ITPRID1: variants seen among roughly 807,000 people sequenced by gnomAD.
ITPRID1 encodes the protein protein ITPRID1.
Under a neutral mutation model 95.4 loss-of-function variants are expected in ITPRID1, and 96 were observed. That is an observed-to-expected ratio of 1.01 (90% CI 0.85 to 1.19). The LOEUF is 1.19. ITPRID1 is among the 50% of genes most tolerant of loss of function. ITPRID1 has a pLI of 0.00. For missense variants in ITPRID1, 1,339 were observed against 1,252.9 expected, an observed-to-expected ratio of 1.07 and a Z score of -1.04; for synonymous variants, 510 against 453.6, an observed-to-expected ratio of 1.12 and a Z score of -1.58.
intron 6 of ITPRID1, 55 bp downstream of exon 6, chr7:31,569,864 C>G: frequency 6.9e-7 from 1 of 1,441,764 alleles, no homozygotes; most frequent in Non-Finnish European, 9.5e-7. Context: ...CACACCTTTG[C>G]TGAATAAAAT....
chr7:31,554,202 G>A (rs1015377106), intron 3 of ITPRID1, among the ~76,000 whole-genome samples: 14 of 151,844 alleles, frequency 9.2e-5, no homozygotes, highest in African/African-American at 1.2e-4. Flanking sequence ...AACATCTCTC[G>A]TTCTTCAGTG....
chr7:31,647,249 T>C (rs10253952), intron 12 of ITPRID1, among the ~76,000 whole-genome samples: 6,668 of 152,220 alleles, frequency 0.044, 468 homozygotes, highest in African/African-American at 0.15. Flanking sequence ...CTGAAGAAAA[T>C]TGGCTTTAAA....
At chr7:31,577,636 T>C (rs1785232124) in intron 8 of ITPRID1, among the ~76,000 whole-genome samples, 1 of 152,178 alleles carries the variant, frequency 6.6e-6, no homozygotes, top group Non-Finnish European at 1.5e-5. Context: ...TTCAACTAAA[T>C]ACAAAAGCTG....
chr7:31,614,083 A>G (rs900658595), intron 10 of ITPRID1, among the ~76,000 whole-genome samples: 2 of 152,204 alleles, frequency 1.3e-5, no homozygotes, highest in Non-Finnish European at 2.9e-5. Flanking sequence ...GGTCAGGTAT[A>G]TCAAAGTTTA....
At chr7:31,571,052 A>G (rs563491528) in intron 6 of ITPRID1, among the ~76,000 whole-genome samples, 1 of 151,814 alleles carries the variant, frequency 6.6e-6, no homozygotes, top group East Asian at 1.9e-4. Context: ...TTTGTTTTTG[A>G]GACAGAGTCT....
chr7:31,639,538 G>GTT (rs796733772), intron 10 of ITPRID1, among the ~76,000 whole-genome samples: 3 of 142,516 alleles, frequency 2.1e-5, no homozygotes, highest in African/African-American at 7.7e-5. Context: ...GTTTGTTTTT[G>GTT]TTTTTTTTTT....
In ITPRID1 at chr7:31,572,012, T is replaced by C. The variant is rs1347284968; in HGVS notation, c.309-90T>C. 5.0e-6 allele frequency: 4 copies of C among 803,854 alleles called. No homozygotes were observed. In the Admixed American group the frequency reaches 9.2e-5, roughly 18 times the overall value. The allele number at this position is 803,854 out of a possible 1,614,324, so 49.8% of individuals were successfully genotyped here. A position where few individuals can be genotyped will look rare whatever the true frequency, so the allele number is the denominator to read the frequency against. On this transcript the variant is annotated intron_variant, in intron 6 of 14. Transcript: ENST00000615280. The stretch of plus-strand genomic sequence containing the variant: ...ATTAGAGACTAAGAGGAAATGCAAA[T>C]GTTTGCTCTGGAAGGAAAAGATTCA...
intron 6 of ITPRID1, among the ~76,000 whole-genome samples, chr7:31,571,020 A>G (rs1583512409): frequency 7.9e-6 from 1 of 126,934 alleles, no homozygotes; most frequent in African/African-American, 2.6e-5. Flanking sequence ...GGGCCCAGCT[A>G]TTGTTTTTTT....
At chr7:31,602,969 C>T (rs1786462206) in intron 10 of ITPRID1, among the ~76,000 whole-genome samples, 1 of 138,378 alleles carries the variant, frequency 7.2e-6, no homozygotes, top group South Asian at 2.4e-4. Context: ...AAACCTGTTT[C>T]TTCCATATAT....
Position 31,574,524 on chromosome 7 carries a change from A to T in ITPRID1, c.396-16A>T. 1 of 1,609,582 alleles carries T rather than the reference A, an allele frequency of 6.2e-7. No individual in the cohort carries two copies. On this transcript the variant is annotated splice_polypyrimidine_tract_variant and intron_variant, in intron 7 of 14. Transcript: ENST00000615280. ...TAACTGTTTCTGGATAAAGATATTC[A>T]TATTTTTTACCACAGCATTCCTGAA...
At chr7:31,648,761 A>C (rs902877595) in intron 12 of ITPRID1, among the ~76,000 whole-genome samples, 16 of 152,190 alleles carry the variant, frequency 1.1e-4, no homozygotes, top group Admixed American at 1.0e-3. Context: ...AGCTACTAGA[A>C]CCACTCAAAC....
At chr7:31,525,510 A>C (rs561918681) in intron 1 of ITPRID1, among the ~76,000 whole-genome samples, 1 of 152,350 alleles carries the variant, frequency 6.6e-6, no homozygotes, top group East Asian at 1.9e-4. Context: ...ACAATGTGGT[A>C]AATGTTCTGG....
intron 7 of ITPRID1, 21 bp from the exon 8 acceptor site, chr7:31,574,519 T>A (rs1457067284): frequency 6.2e-6 from 10 of 1,605,516 alleles, no homozygotes; most frequent in Non-Finnish European, 8.5e-6. Context: ...TGGATAAAGA[T>A]ATTCATATTT....
At chr7:31,574,477 C>T in intron 7 of ITPRID1, 63 bp from the exon 8 acceptor site, 1 of 1,467,562 alleles carries the variant, frequency 6.8e-7, no homozygotes, top group South Asian at 1.2e-5. Context: ...GATGAGGTGA[C>T]CAGAAAAAAA....
At chr7:31,611,990 A>G (rs920576105) in intron 10 of ITPRID1, among the ~76,000 whole-genome samples, 1 of 151,440 alleles carries the variant, frequency 6.6e-6, no homozygotes, top group Non-Finnish European at 1.5e-5. Context: ...GTGTGATGGT[A>G]TATTTGATGG....
chr7:31,627,934 C>G (rs1788625297), intron 10 of ITPRID1, among the ~76,000 whole-genome samples: 1 of 152,096 alleles, frequency 6.6e-6, no homozygotes, highest in Non-Finnish European at 1.5e-5. Flanking sequence ...AAGGGTTTAA[C>G]TGAAGAGAGT....
intron 10 of ITPRID1, among the ~76,000 whole-genome samples, chr7:31,601,168 A>G (rs993056207): frequency 1.3e-5 from 2 of 152,200 alleles, no homozygotes; most frequent in African/African-American, 4.8e-5. Context: ...AAGTGTCAGG[A>G]AGAAATAAAA....
Position 31,555,064 on chromosome 7 carries a change from G to A in ITPRID1, c.256+163G>A, listed in dbSNP as rs117810848. On this transcript the variant is annotated intron_variant, in intron 5 of 14. Coordinates refer to ENST00000615280, the MANE Select transcript of ITPRID1 (RefSeq NM_001257967.3). The stretch of plus-strand genomic sequence containing the variant: ...ATCTCTTCATTTGACATATGACTGC[G>A]ACAAAAATGATAGGTGCTTCCCCAG... 5.4e-3 allele frequency: 3,165 copies of A among 588,832 alleles called. 12 individuals carry two copies. Among genetic ancestry groups the A allele is most frequent in the Non-Finnish European group, 5.7e-3 (1,875 of 331,560 alleles). 36.5% of individuals were successfully genotyped at this position (588,832 alleles called of 1,614,324 possible). A position where few individuals can be genotyped will look rare whatever the true frequency, so the allele number is the denominator to read the frequency against.
At chr7:31,583,683 T>A (rs1016336579) in intron 10 of ITPRID1, among the ~76,000 whole-genome samples, 5 of 152,062 alleles carry the variant, frequency 3.3e-5, no homozygotes, top group African/African-American at 7.2e-5. Context: ...TACATGTAAA[T>A]TTTAAAAGAC....
Sources: allele counts gnomAD v4.1 joint callset (sites outside exome capture counted in the v4.1 genomes callset), GRCh38; gene constraint gnomAD v4.1.1; transcripts MANE v1.5; gene names NCBI Gene and HGNC (gene_info 2026-07-23, HGNC 2026-07-21).